Variants in TMEM232 observed in about 807,000 individuals in gnomAD.
The protein encoded by TMEM232 is transmembrane protein 232.
Under a neutral mutation model 78.8 loss-of-function variants are expected in TMEM232, and 80 were observed. The observed-to-expected ratio is 1.01, with a 90% CI of 0.85 to 1.22. TMEM232 has a LOEUF of 1.22. TMEM232 is among the 50% of genes most tolerant of loss of function. TMEM232 has a pLI of 0.00. For synonymous variants in TMEM232, 297 were observed against 254.3 expected, an observed-to-expected ratio of 1.17 and a Z score of -1.60; for missense variants, 881 against 742.2, an observed-to-expected ratio of 1.19 and a Z score of -2.17.
intron 2 of TMEM232, among the ~76,000 whole-genome samples, chr5:110,401,256 A>G (rs1352710729): frequency 6.6e-6 from 1 of 151,914 alleles, no homozygotes; most frequent in Non-Finnish European, 1.5e-5. Context: ...CAATAGCATA[A>G]AGGCAACTTG....
intron 2 of TMEM232, among the ~76,000 whole-genome samples, chr5:110,649,444 C>CA (rs1385591906): frequency 6.6e-6 from 1 of 151,896 alleles, no homozygotes; most frequent in Non-Finnish European, 1.5e-5. Context: ...CATTTCACAA[C>CA]AAAAAATATA....
chr5:110,706,049 A>T (rs949924903), intron 1 of TMEM232, among the ~76,000 whole-genome samples: 1 of 152,000 alleles, frequency 6.6e-6, no homozygotes, highest in Non-Finnish European at 1.5e-5. Flanking sequence ...CTTCATAGGG[A>T]AGTTACTTCT....
At chr5:110,727,079 CGTCA>C (rs1192500877), upstream of TMEM232, among the ~76,000 whole-genome samples, 1 of 152,068 alleles carries the variant, frequency 6.6e-6, no homozygotes, top group African/African-American at 2.4e-5. Flanking sequence ...CCTCAGCACC[CGTCA>C]GTGAGTAAAC....
chr5:110,697,019 G>T (rs907075082), intron 1 of TMEM232, among the ~76,000 whole-genome samples: 1 of 152,116 alleles, frequency 6.6e-6, no homozygotes, highest in African/African-American at 2.4e-5. Flanking sequence ...AACAAAGCTG[G>T]AGGCATCACG....
intron 12 of TMEM232, among the ~76,000 whole-genome samples, chr5:110,485,431 A>G (rs1475132971): frequency 6.6e-6 from 1 of 152,104 alleles, no homozygotes; most frequent in African/African-American, 2.4e-5. Context: ...CCGTATTTGT[A>G]GTCTTTTAAT....
chr5:110,693,704 A>G (rs996122857), intron 1 of TMEM232, among the ~76,000 whole-genome samples: 6 of 152,202 alleles, frequency 3.9e-5, no homozygotes, highest in African/African-American at 1.2e-4. Flanking sequence ...AAGGGTATCA[A>G]TGATGGAAGA....
chr5:110,426,985 A>G (rs889878813), intron 12 of TMEM232, among the ~76,000 whole-genome samples: 8 of 152,098 alleles, frequency 5.3e-5, no homozygotes, highest in African/African-American at 1.9e-4. Flanking sequence ...ATATCAAAAG[A>G]CCTTTAACAT....
intron 1 of TMEM232, among the ~76,000 whole-genome samples, chr5:110,720,248 A>T (rs899138737): frequency 6.6e-6 from 1 of 152,078 alleles, no homozygotes; most frequent in Non-Finnish European, 1.5e-5. Context: ...CTCCCCTATA[A>T]TAAGTTGCAA....
intron 11 of TMEM232, among the ~76,000 whole-genome samples, chr5:110,554,671 A>C (rs1354061007): frequency 6.6e-6 from 1 of 151,962 alleles, no homozygotes; most frequent in Non-Finnish European, 1.5e-5. Flanking sequence ...GCCTCATTCT[A>C]TGGAATGAGG....
At chr5:110,643,109 C>G (rs1303619287) in intron 2 of TMEM232, among the ~76,000 whole-genome samples, 1 of 151,800 alleles carries the variant, frequency 6.6e-6, no homozygotes, top group African/African-American at 2.4e-5. Flanking sequence ...ACCAGATTTG[C>G]CAATGAATTA....
At chr5:110,498,785 G>C (rs780328379) in intron 12 of TMEM232, among the ~76,000 whole-genome samples, 1 of 152,136 alleles carries the variant, frequency 6.6e-6, no homozygotes, top group Admixed American at 6.6e-5. Flanking sequence ...GTCCCAGAAA[G>C]CAGGACTTTC....
intron 11 of TMEM232, among the ~76,000 whole-genome samples, chr5:110,547,726 G>A (rs1291403732): frequency 5.3e-5 from 8 of 151,952 alleles, no homozygotes; most frequent in East Asian, 3.9e-4. Flanking sequence ...AGCCAGGCAC[G>A]ATGGCTCACA....
At chr5:110,434,302 C>A (rs964096382) in intron 12 of TMEM232, among the ~76,000 whole-genome samples, 5 of 151,314 alleles carry the variant, frequency 3.3e-5, no homozygotes, top group Non-Finnish European at 7.4e-5. Context: ...ACTGATCCCA[C>A]AGAAACACAA....
At chr5:110,723,019 T>A (rs565329632) in intron 1 of TMEM232, among the ~76,000 whole-genome samples, 10 of 152,316 alleles carry the variant, frequency 6.6e-5, no homozygotes, top group African/African-American at 2.4e-4. Context: ...AATGCTGGCC[T>A]GAAAGAATGA....
chr5:110,399,837 T>C (rs1307404948), intron 2 of TMEM232, among the ~76,000 whole-genome samples: 1 of 152,104 alleles, frequency 6.6e-6, no homozygotes, highest in Non-Finnish European at 1.5e-5. Flanking sequence ...AGGATCTTCT[T>C]TTCTAGATAT....
chr5:110,467,784 T>C lies in TMEM232; in HGVS notation c.1704-42868A>G, dbSNP rs571648437. Among the ~76,000 whole-genome samples the C allele has an allele frequency of 6.6e-5, 10 of 152,328 alleles. No homozygotes were observed. The South Asian group carries it at 2.1e-3, about 32-fold the overall frequency. On this transcript the variant is annotated intron_variant, in intron 12 of 13. Coordinates refer to ENST00000455884, the MANE Select transcript of TMEM232 (RefSeq NM_001039763.4). Reference sequence around the variant, plus strand: ...TTTCACACAGTTCTGGAAGCTAGAATTCCATGATCAATGTGTCCACATGGC... The same window carrying C: ...TTTCACACAGTTCTGGAAGCTAGAACTCCATGATCAATGTGTCCACATGGC...
chr5:110,421,897 T>C (rs1756681532), intron 13 of TMEM232, among the ~76,000 whole-genome samples: 2 of 152,182 alleles, frequency 1.3e-5, no homozygotes, highest in South Asian at 4.1e-4. Flanking sequence ...ATACAAAAGT[T>C]AACTGCACTT....
At chr5:110,389,169 G>T (rs776904228) in intron 4 of TMEM232, among the ~76,000 whole-genome samples, 40 of 152,172 alleles carry the variant, frequency 2.6e-4, no homozygotes, top group South Asian at 8.3e-4. Context: ...GCTGAGGCAG[G>T]AAAATCTCTT....
chr5:110,593,240 G>C (rs1169293020), intron 10 of TMEM232, among the ~76,000 whole-genome samples: 4 of 152,154 alleles, frequency 2.6e-5, no homozygotes, highest in African/African-American at 4.8e-5. Context: ...CAATATTTGA[G>C]CTAGGAAGAT....
Sources: allele counts gnomAD v4.1 joint callset (sites outside exome capture counted in the v4.1 genomes callset), GRCh38; gene constraint gnomAD v4.1.1; transcripts MANE v1.5; gene names NCBI Gene and HGNC (gene_info 2026-07-23, HGNC 2026-07-21).